TAPT1: variants seen among roughly 807,000 people sequenced by gnomAD.
TAPT1 encodes the protein transmembrane anterior posterior transformation 1.
A neutral mutation model predicts 65.6 loss-of-function variants in TAPT1; 28 were observed. That is an observed-to-expected ratio of 0.43 (90% CI 0.32 to 0.59). The LOEUF (loss-of-function observed/expected upper bound fraction) is 0.59, where lower values mean the gene tolerates loss of function less well. TAPT1 is among the 20% of genes least tolerant of loss of function. The pLI is 0.09. For missense variants in TAPT1, 563 were observed against 679.9 expected (o/e 0.83, Z 1.91); for synonymous variants, 278 against 245.2 (o/e 1.13, Z -1.25).
chr4:16,221,326 G>A (rs1000036001), intron 1 of TAPT1, among the ~76,000 whole-genome samples: 5 of 150,960 alleles, frequency 3.3e-5, no homozygotes, highest in South Asian at 2.1e-4. Context: ...GGGTTTCACC[G>A]TGTTGCCCAT....
intron 3 of TAPT1, among the ~76,000 whole-genome samples, chr4:16,195,689 C>G (rs1271617415): frequency 6.6e-6 from 1 of 152,110 alleles, no homozygotes; most frequent in Non-Finnish European, 1.5e-5. Flanking sequence ...TTACATTGTA[C>G]AATTTACCAG....
chr4:16,166,432 T>A (rs531541585), intron 13 of TAPT1, among the ~76,000 whole-genome samples: 1 of 152,234 alleles, frequency 6.6e-6, no homozygotes, highest in Non-Finnish European at 1.5e-5. Flanking sequence ...ATGCTCAATG[T>A]TGAACAGCGA....
chr4:16,170,295 A>C (rs1342179225), intron 12 of TAPT1, among the ~76,000 whole-genome samples: 2 of 152,258 alleles, frequency 1.3e-5, no homozygotes, highest in African/African-American at 4.8e-5. Flanking sequence ...TGTGCTGAAC[A>C]ATTCAATGTG....
At chr4:16,219,534 T>C (rs1751128895) in intron 1 of TAPT1, among the ~76,000 whole-genome samples, 1 of 152,218 alleles carries the variant, frequency 6.6e-6, no homozygotes, top group South Asian at 2.1e-4. Flanking sequence ...GGAATGGTTT[T>C]AAATGATACA....
intron 3 of TAPT1, among the ~76,000 whole-genome samples, chr4:16,193,256 G>C (rs761787679): frequency 1.3e-5 from 2 of 152,138 alleles, no homozygotes; most frequent in Non-Finnish European, 2.9e-5. Context: ...ATAAGAGAGA[G>C]GTCAGAATGT....
chr4:16,174,548 G>C (rs1205595294), intron 10 of TAPT1, 122 bp downstream of exon 10: 2 of 846,658 alleles, frequency 2.4e-6, no homozygotes, highest in South Asian at 3.8e-5. Flanking sequence ...TGAGAATAGA[G>C]ATCAGTAGGC....
chr4:16,165,580 A>G (rs960539561), intron 13 of TAPT1, among the ~76,000 whole-genome samples: 1 of 152,036 alleles, frequency 6.6e-6, no homozygotes, highest in Non-Finnish European at 1.5e-5. Context: ...AAAAAAAAAA[A>G]AAAAAATACA....
intron 11 of TAPT1, among the ~76,000 whole-genome samples, chr4:16,172,118 A>G (rs1397385440): frequency 6.6e-6 from 1 of 152,202 alleles, no homozygotes; most frequent in Non-Finnish European, 1.5e-5. Flanking sequence ...ACCCCCTTTC[A>G]GCACACTGCA....
At chr4:16,165,027 C>T (rs1249848410) in intron 13 of TAPT1, among the ~76,000 whole-genome samples, 3 of 152,132 alleles carry the variant, frequency 2.0e-5, no homozygotes, top group South Asian at 2.1e-4. Flanking sequence ...GTTCTCCAGA[C>T]GCTTTTCCAG....
chr4:16,203,012 T>C (rs538290002), intron 2 of TAPT1, among the ~76,000 whole-genome samples: 6 of 152,328 alleles, frequency 3.9e-5, no homozygotes, highest in African/African-American at 1.2e-4. Flanking sequence ...TTTAACACAA[T>C]TTCATGTGCA....
At chr4:16,211,913 A>C (rs1167796484) in intron 2 of TAPT1, among the ~76,000 whole-genome samples, 1 of 152,230 alleles carries the variant, frequency 6.6e-6, no homozygotes, top group East Asian at 1.9e-4. Context: ...TTCTCCAGAA[A>C]ACAATTTATA....
At chr4:16,217,149 C>G (rs545837934) in intron 1 of TAPT1, among the ~76,000 whole-genome samples, 1 of 152,198 alleles carries the variant, frequency 6.6e-6, no homozygotes, top group South Asian at 2.1e-4. Context: ...GTTTCTCAGG[C>G]AGAGTCTGTC....
chr4:16,206,343 G>A (rs577287101), intron 2 of TAPT1, among the ~76,000 whole-genome samples: 2 of 152,346 alleles, frequency 1.3e-5, no homozygotes, highest in East Asian at 1.9e-4. Flanking sequence ...GTTGAATACT[G>A]TTATATTTTA....
intron 3 of TAPT1, among the ~76,000 whole-genome samples, chr4:16,200,195 A>G (rs1749950444): frequency 6.6e-6 from 1 of 152,226 alleles, no homozygotes; most frequent in Admixed American, 6.5e-5. Flanking sequence ...TAAGAACATG[A>G]CATGTCTTTA....
intron 13 of TAPT1, among the ~76,000 whole-genome samples, chr4:16,164,377 C>T (rs1356794486): frequency 6.6e-6 from 1 of 152,120 alleles, no homozygotes; most frequent in Non-Finnish European, 1.5e-5. Context: ...AGCCCCCTCC[C>T]TCTCTTTAGC....
intron 1 of TAPT1, chr4:16,216,102 G>A (rs1156717750): frequency 6.6e-6 from 1 of 152,148 alleles, no homozygotes; most frequent in Non-Finnish European, 1.5e-5. Context: ...TTGAACCCCA[G>A]AGGCCACTTC....
intron 1 of TAPT1, among the ~76,000 whole-genome samples, chr4:16,221,930 A>G (rs1033889922): frequency 6.6e-6 from 1 of 152,232 alleles, no homozygotes; most frequent in African/African-American, 2.4e-5. Context: ...TAAGTAAAGA[A>G]CCATTTCACA....
At chr4:16,175,396 T>A (rs910266921) in intron 9 of TAPT1, among the ~76,000 whole-genome samples, 5 of 152,140 alleles carry the variant, frequency 3.3e-5, no homozygotes, top group Admixed American at 3.3e-4. Context: ...CAGAAACTCA[T>A]AATTGAATCA....
At chr4:16,201,821 T>C (rs189610093) in intron 3 of TAPT1, among the ~76,000 whole-genome samples, 62 of 152,308 alleles carry the variant, frequency 4.1e-4, no homozygotes, top group African/African-American at 1.4e-3. Context: ...ACCCCCTTTT[T>C]GCTGATGGGG....
Sources: gnomAD v4.1 joint callset for allele counts (sites outside exome capture counted in the v4.1 genomes callset) on GRCh38, gnomAD v4.1.1 for gene constraint, MANE v1.5 for transcripts, NCBI Gene and HGNC (gene_info 2026-07-23, HGNC 2026-07-21) for gene names.